The following OR52K1 variants were observed in gnomAD, a reference collection of about 807,000 sequenced individuals.
OR52K1 encodes olfactory receptor 52K1.
OR52K1 carries 10 observed loss-of-function variants against 8.7 expected under a neutral mutation model. The observed-to-expected ratio is 1.15, with a 90% CI of 0.71 to 1.95. The LOEUF (loss-of-function observed/expected upper bound fraction) is 1.95. OR52K1 is among the 30% of genes most tolerant of loss of function. The pLI is 0.00. For synonymous variants in OR52K1, 203 were observed against 148.5 expected (o/e 1.37, Z -2.67); for missense variants, 431 against 397.2 (o/e 1.08, Z -0.72).
At chr11:4,486,440 A>C (rs185515174) in intron 1 of OR52K1, among the ~76,000 whole-genome samples, 1 of 152,204 alleles carries the variant, frequency 6.6e-6, no homozygotes, top group African/African-American at 2.4e-5. Context: ...TCACTGTGTA[A>C]TTGTTCTGTA....
In OR52K1 at chr11:4,489,865, T is replaced by A; in HGVS notation, c.*20T>A. ...ATGTAGATGGATAGTTCTCTTTTTT[T>A]ATCCCACTTGCCAAGTAATGAGAAT... On this transcript the variant is annotated 3_prime_UTR_variant, in exon 2 of 2. Transcript: ENST00000641528. 4 of 1,514,234 alleles carry A rather than the reference T, an allele frequency of 2.6e-6. No individual in the cohort carries two copies. The highest frequency in any genetic ancestry group is 3.6e-6 in the Non-Finnish European group (4 of 1,115,146). The allele number at this position is 1,514,234 out of a possible 1,614,324, so 93.8% of individuals were successfully genotyped here.
At position 4,492,419 on chromosome 11, in the gene OR52K1, C is replaced by T. The variant is rs988151257; in HGVS notation, c.*2574C>T. ...TCTGACTCACTGCCTGTAGCATAGT[C>T]ATAACTGACCCACAGTGTTCATATA... On this transcript the variant is annotated 3_prime_UTR_variant, in exon 2 of 2. Coordinates refer to ENST00000641528, the MANE Select transcript of OR52K1 (RefSeq NM_001005171.3). 1 of 152,196 alleles carries T rather than the reference C, an allele frequency of 6.6e-6. No individual in the cohort carries two copies. Among genetic ancestry groups the T allele is most frequent in the African/African-American group, 2.4e-5 (1 of 41,448 alleles). 9.4% of individuals were successfully genotyped at this position (152,196 alleles called of 1,614,324 possible). A position where few individuals can be genotyped will look rare whatever the true frequency, so the allele number is the denominator to read the frequency against.
chr11:4,482,925 C>T lies in OR52K1; in HGVS notation c.-580C>T, dbSNP rs927586685. The T allele has an allele frequency of 3.4e-5, 13 of 386,816 alleles. No homozygotes were observed. 24.0% of individuals were successfully genotyped at this position (386,816 alleles called of 1,614,324 possible). A position where few individuals can be genotyped will look rare whatever the true frequency, so the allele number is the denominator to read the frequency against. Reference sequence around the variant, plus strand: ...AGAGGGAACAGAAGTCTCGATAGTCCCACCCAACTGTTTGGTACACAAACT... The same window carrying T: ...AGAGGGAACAGAAGTCTCGATAGTCTCACCCAACTGTTTGGTACACAAACT... On this transcript the variant is annotated 5_prime_UTR_variant, in exon 1 of 2. Transcript: ENST00000641528.
rs1249236418 is a variant in OR52K1, at chr11:4,489,114, G to C, written c.214G>C (p.Asp72His). 1 of 1,614,184 alleles carries C rather than the reference G, an allele frequency of 6.2e-7. No homozygotes were observed. Among genetic ancestry groups the C allele is most frequent in the Non-Finnish European group, 8.5e-7 (1 of 1,180,048 alleles). ...CTTTCTGGCCATGTTGGCAACCATTGACTTGGTTCTTTCTTCTACAACGCT... is the reference window on the plus strand; with the variant it reads ...CTTTCTGGCCATGTTGGCAACCATTCACTTGGTTCTTTCTTCTACAACGCT... The part of the protein sequence containing the change: ...YLFLAMLATI[D>H]LVLSSTTLPK... Residue 72 changes from aspartate to histidine, a missense_variant, in exon 2 of 2, where the codon GAC (aspartate) becomes CAC (histidine). Transcript: ENST00000641528.
intron 1 of OR52K1, among the ~76,000 whole-genome samples, chr11:4,485,471 T>G (rs991007177): frequency 6.6e-6 from 1 of 152,206 alleles, no homozygotes; most frequent in Admixed American, 6.5e-5. Context: ...CCCGTCTCAG[T>G]TGGGAGCAGC....
rs1342212611 is a variant in OR52K1, at chr11:4,489,099, A to G, written c.199A>G (p.Met67Val). 6.2e-7 allele frequency: 1 copy of G among 1,614,200 alleles called. No individual in the cohort carries two copies. The highest frequency in any genetic ancestry group is 2.2e-5 in the East Asian group (1 of 44,878). Residue 67 changes from methionine (M) to valine (V), a missense_variant, in exon 2 of 2, where the codon ATG becomes GTG. Coordinates refer to ENST00000641528, the MANE Select transcript of OR52K1 (RefSeq NM_001005171.3). The stretch of plus-strand genomic sequence containing the variant: ...TGAACCCATGTACCTCTTTCTGGCC[A>G]TGTTGGCAACCATTGACTTGGTTCT... ...LHEPMYLFLA[M>V]LATIDLVLSS... is the part of the protein sequence containing the mutation.
At chr11:4,487,054 G>A (rs1319369448) in intron 1 of OR52K1, among the ~76,000 whole-genome samples, 3 of 152,172 alleles carry the variant, frequency 2.0e-5, no homozygotes, top group Non-Finnish European at 4.4e-5. Flanking sequence ...CATCATGGAG[G>A]TCATTGATTG....
chr11:4,484,000 C>T (rs1589808925), intron 1 of OR52K1, among the ~76,000 whole-genome samples: 1 of 152,146 alleles, frequency 6.6e-6, no homozygotes, highest in South Asian at 2.1e-4. Flanking sequence ...TGCTTAGAAC[C>T]TCCATTCTGG....
rs1032150718 is a variant in OR52K1, at chr11:4,490,963, A to G, written c.*1118A>G. On this transcript the variant is annotated 3_prime_UTR_variant, in exon 2 of 2. Coordinates refer to ENST00000641528, the MANE Select transcript of OR52K1 (RefSeq NM_001005171.3). ...CTAGGAGCAACAGGCTATACCATAT[A>G]GCTTAGGTGTATAGCAAGCGATACC... is the stretch of plus-strand genomic sequence containing the variant. 1 of 152,250 alleles carries G rather than the reference A, an allele frequency of 6.6e-6. No individual in the cohort carries two copies. The highest frequency in any genetic ancestry group is 1.5e-5 in the Non-Finnish European group (1 of 68,046). The allele number at this position is 152,250 out of a possible 1,614,324, so 9.4% of individuals were successfully genotyped here. A position where few individuals can be genotyped will look rare whatever the true frequency, so the allele number is the denominator to read the frequency against.
In OR52K1 at chr11:4,493,271, G is replaced by A. The variant is rs374562011; in HGVS notation, c.*3426G>A. ...TAATGTCAGGCCTTCCACAAGAGGT[G>A]GTGAAACAGAGTCTTCTCTAACTCC... is the stretch of plus-strand genomic sequence containing the variant. On this transcript the variant is annotated 3_prime_UTR_variant, in exon 2 of 2. Coordinates refer to ENST00000641528, the MANE Select transcript of OR52K1 (RefSeq NM_001005171.3). 2.0e-5 allele frequency: 3 copies of A among 152,124 alleles called. No homozygotes were observed. The highest frequency in any genetic ancestry group is 7.2e-5 in the African/African-American group (3 of 41,410). 9.4% of individuals were successfully genotyped at this position (152,124 alleles called of 1,614,324 possible). A position where few individuals can be genotyped will look rare whatever the true frequency, so the allele number is the denominator to read the frequency against.
At position 4,492,879 on chromosome 11, in the gene OR52K1, C is replaced by T. The variant is rs138257322; in HGVS notation, c.*3034C>T. The T allele has an allele frequency of 1.0e-3, 199 of 194,954 alleles. No homozygotes were observed. Among genetic ancestry groups the T allele is most frequent in the African/African-American group, 4.3e-3 (183 of 42,082 alleles). The allele number at this position is 194,954 out of a possible 1,614,324, so 12.1% of individuals were successfully genotyped here. The stretch of plus-strand genomic sequence containing the variant: ...ACCAGTACCACCAAGATGCAGAGAC[C>T]GGTAGTGGCCCCGAATGCCTGGCTG... On this transcript the variant is annotated 3_prime_UTR_variant, in exon 2 of 2. Transcript: ENST00000641528.
rs1308232664 is a variant in OR52K1 at position 4,489,316 on chromosome 11, C to G, written c.416C>G (p.Thr139Ser). 1 of 1,614,214 alleles carries G rather than the reference C, an allele frequency of 6.2e-7. No individual in the cohort carries two copies. Among genetic ancestry groups the G allele is most frequent in the Admixed American group, 1.7e-5 (1 of 60,030 alleles). The change falls in exon 2 of 2, where the codon ACT (threonine) becomes AGT (serine). Residue 139 changes from threonine (T) to serine (S), a missense_variant. By Grantham distance (58) the Thr-to-Ser change is moderately conservative. Transcript: ENST00000641528. ...CKPLHYTTVL[T>S]GSLITKIGMA... Reference sequence around the variant, plus strand: ...CCATTGCACTACACGACGGTCCTGACTGGGTCCCTCATCACCAAGATTGGC... The same window carrying G: ...CCATTGCACTACACGACGGTCCTGAGTGGGTCCCTCATCACCAAGATTGGC...
chr11:4,490,272 C>G lies in OR52K1; in HGVS notation c.*427C>G. The G allele has an allele frequency of 6.0e-6, 1 of 165,620 alleles. No homozygotes were observed. The highest frequency in any genetic ancestry group is 1.3e-5 in the Non-Finnish European group (1 of 75,042). 10.3% of individuals were successfully genotyped at this position (165,620 alleles called of 1,614,324 possible). On this transcript the variant is annotated 3_prime_UTR_variant, in exon 2 of 2. Coordinates refer to ENST00000641528, the MANE Select transcript of OR52K1 (RefSeq NM_001005171.3). ...TTATTCCTTTTAGTACTGAAATTAC[C>G]CCCATGTCTTTTCTGACAAGTACCC...
At position 4,493,088 on chromosome 11, in the gene OR52K1, CTT is replaced by C. The variant is rs1156449688; in HGVS notation, c.*3246_*3247del. 6.6e-6 allele frequency: 1 copy of C among 152,382 alleles called. No individual in the cohort carries two copies. Among genetic ancestry groups the C allele is most frequent in the African/African-American group, 2.4e-5 (1 of 41,450 alleles). The allele number at this position is 152,382 out of a possible 1,614,324, so 9.4% of individuals were successfully genotyped here. On this transcript the variant is annotated 3_prime_UTR_variant, in exon 2 of 2. Coordinates refer to ENST00000641528, the MANE Select transcript of OR52K1 (RefSeq NM_001005171.3). Reference sequence around the variant, plus strand: ...TTATTTCTTCTATGCATTTCAAAGACTTTTAGTACTTTCACTTATTCTGCTAC... The same window carrying C: ...TTATTTCTTCTATGCATTTCAAAGACTTAGTACTTTCACTTATTCTGCTAC...
intron 1 of OR52K1, among the ~76,000 whole-genome samples, chr11:4,485,827 A>G (rs533265659): frequency 2.6e-5 from 4 of 152,206 alleles, no homozygotes; most frequent in African/African-American, 9.6e-5. Context: ...AACTTTTGCA[A>G]AGTCCACAAA....
intron 1 of OR52K1, among the ~76,000 whole-genome samples, chr11:4,486,029 T>C (rs1334541518): frequency 3.3e-5 from 5 of 152,210 alleles, no homozygotes; most frequent in Non-Finnish European, 5.9e-5. Context: ...ATATTCCAAA[T>C]CTATTATGGT....
intron 1 of OR52K1, among the ~76,000 whole-genome samples, chr11:4,485,163 T>G (rs1846311105): frequency 6.6e-6 from 1 of 152,250 alleles, no homozygotes; most frequent in African/African-American, 2.4e-5. Context: ...TTCTATATAC[T>G]AAGATAGTAC....
intron 1 of OR52K1, among the ~76,000 whole-genome samples, chr11:4,486,402 C>T (rs1362644880): frequency 4.6e-5 from 7 of 152,172 alleles, no homozygotes; most frequent in African/African-American, 1.7e-4. Context: ...ATTCTCTTTC[C>T]TGTTCCACTC....
Position 4,492,726 on chromosome 11 carries a change from A to T in OR52K1, c.*2881A>T, listed in dbSNP as rs898126954. 1 of 152,238 alleles carries T rather than the reference A, an allele frequency of 6.6e-6. No individual in the cohort carries two copies. The allele number at this position is 152,238 out of a possible 1,614,324, so 9.4% of individuals were successfully genotyped here. A position where few individuals can be genotyped will look rare whatever the true frequency, so the allele number is the denominator to read the frequency against. ...AAGAAGCTCCCATACATACTTTTACATGATCTACTTATACTGTAGGGACCA... is the reference window on the plus strand; with the variant it reads ...AAGAAGCTCCCATACATACTTTTACTTGATCTACTTATACTGTAGGGACCA... On this transcript the variant is annotated 3_prime_UTR_variant, in exon 2 of 2. Transcript: ENST00000641528.
Sources: allele counts gnomAD v4.1 joint callset (sites outside exome capture counted in the v4.1 genomes callset), GRCh38; gene constraint gnomAD v4.1.1; transcripts MANE v1.5; gene names NCBI Gene and HGNC (gene_info 2026-07-23, HGNC 2026-07-21).